Variants in ATP9B observed in about 807,000 individuals in gnomAD.
The protein encoded by ATP9B is probable phospholipid-transporting ATPase IIB.
ATP9B carries 110 observed loss-of-function variants against 146.1 expected under a neutral mutation model. The ratio of observed to expected loss-of-function variants is 0.75; its 90% CI spans 0.65 to 0.88. The LOEUF is 0.88. Ranked by LOEUF, ATP9B falls within the 40% of genes least tolerant of loss-of-function variation. ATP9B has a pLI of 0.00. For missense variants in ATP9B, 1,499 were observed against 1,496.4 expected, an observed-to-expected ratio of 1.00 and a Z score of -0.03; for synonymous variants, 604 against 569.7, an observed-to-expected ratio of 1.06 and a Z score of -0.86.
intron 11 of ATP9B, among the ~76,000 whole-genome samples, chr18:79,219,334 G>T (rs2095656800): frequency 6.6e-6 from 1 of 152,016 alleles, no homozygotes; most frequent in Admixed American, 6.6e-5. Flanking sequence ...GCATGGCGGT[G>T]GCAGTGCTGA....
At chr18:79,344,651 C>A (rs2096876365) in intron 21 of ATP9B, among the ~76,000 whole-genome samples, 1 of 152,258 alleles carries the variant, frequency 6.6e-6, no homozygotes, top group Non-Finnish European at 1.5e-5. Context: ...GCAGCCCCAG[C>A]CTGAGGAGAT....
At chr18:79,233,029 C>T (rs4799022) in intron 11 of ATP9B, among the ~76,000 whole-genome samples, 93,753 of 152,018 alleles carry the variant, frequency 0.62, 30,027 homozygotes, top group South Asian at 0.84. Flanking sequence ...CGGTGGCTCA[C>T]GCCTATAATC....
chr18:79,180,919 G>A (rs2095244116), intron 8 of ATP9B, among the ~76,000 whole-genome samples: 1 of 151,272 alleles, frequency 6.6e-6, no homozygotes, highest in Non-Finnish European at 1.5e-5. Context: ...CAGCTCCTAG[G>A]TAGCTGGGAT....
intron 2 of ATP9B, among the ~76,000 whole-genome samples, chr18:79,106,920 T>C (rs1468249816): frequency 6.6e-6 from 1 of 152,216 alleles, no homozygotes; most frequent in East Asian, 1.9e-4. Context: ...TAGTGTCGTT[T>C]GTCTGGAAGA....
chr18:79,292,091 A>C (rs1323374174), intron 13 of ATP9B, among the ~76,000 whole-genome samples: 1 of 152,246 alleles, frequency 6.6e-6, no homozygotes, highest in Non-Finnish European at 1.5e-5. Context: ...ATTGCCAAAT[A>C]ATATTCCATC....
At chr18:79,324,199 C>T (rs371100336) in intron 15 of ATP9B, among the ~76,000 whole-genome samples, 1 of 151,884 alleles carries the variant, frequency 6.6e-6, no homozygotes, top group Non-Finnish European at 1.5e-5. Context: ...GTAGATTCTG[C>T]TTATTAATCT....
intron 7 of ATP9B, among the ~76,000 whole-genome samples, chr18:79,156,121 C>T (rs181476353): frequency 3.2e-4 from 49 of 152,284 alleles, no homozygotes; most frequent in African/African-American, 1.1e-3. Flanking sequence ...GAGATGAATT[C>T]TGCCATTAAC....
At chr18:79,172,578 C>T (rs982500738) in intron 7 of ATP9B, among the ~76,000 whole-genome samples, 1 of 137,978 alleles carries the variant, frequency 7.2e-6, no homozygotes, top group African/African-American at 2.7e-5. Flanking sequence ...AGCCACCGTG[C>T]GCCGACCTTG....
chr18:79,149,167 C>G (rs2094642250), intron 6 of ATP9B, among the ~76,000 whole-genome samples: 1 of 152,088 alleles, frequency 6.6e-6, no homozygotes, highest in Non-Finnish European at 1.5e-5. Flanking sequence ...AGACATAGAT[C>G]ATCTTACTCT....
At chr18:79,109,551 T>C (rs1036817109) in intron 2 of ATP9B, among the ~76,000 whole-genome samples, 1 of 151,324 alleles carries the variant, frequency 6.6e-6, no homozygotes, top group African/African-American at 2.4e-5. Flanking sequence ...CTTTAAATAT[T>C]GGATTGAGCT....
intron 1 of ATP9B, among the ~76,000 whole-genome samples, chr18:79,070,144 A>G: frequency 6.6e-6 from 1 of 152,234 alleles, no homozygotes; most frequent in East Asian, 1.9e-4. Flanking sequence ...CAGACCTTTC[A>G]TACTCGAGAT....
chr18:79,171,324 C>T (rs2095066614), intron 7 of ATP9B, among the ~76,000 whole-genome samples: 1 of 152,164 alleles, frequency 6.6e-6, no homozygotes, highest in African/African-American at 2.4e-5. Context: ...TGAAGCAATT[C>T]ACTCGTGAAA....
intron 2 of ATP9B, among the ~76,000 whole-genome samples, chr18:79,098,666 T>C (rs926760518): frequency 2.0e-5 from 3 of 152,230 alleles, no homozygotes; most frequent in East Asian, 3.8e-4. Context: ...AGTACAGTTA[T>C]CAAATTCAGG....
intron 13 of ATP9B, among the ~76,000 whole-genome samples, chr18:79,293,014 G>A (rs997221397): frequency 6.6e-6 from 1 of 151,864 alleles, no homozygotes; most frequent in East Asian, 1.9e-4. Flanking sequence ...ATAGATTGAT[G>A]GACTAGAAGT....
chr18:79,336,482 T>C (rs2096827731), intron 17 of ATP9B, 146 bp from the exon 18 acceptor site: 4 of 674,686 alleles, frequency 5.9e-6, no homozygotes, highest in Middle Eastern at 2.7e-4. Context: ...GTCCCTCTGC[T>C]GAGTTGTCTC....
chr18:79,274,905 G>A (rs557953723), intron 12 of ATP9B, among the ~76,000 whole-genome samples: 3 of 152,294 alleles, frequency 2.0e-5, no homozygotes, highest in Admixed American at 1.3e-4. Context: ...GTCTAACCAC[G>A]GAAACGGTTT....
At chr18:79,316,905 A>C (rs2096683564) in intron 15 of ATP9B, among the ~76,000 whole-genome samples, 1 of 152,254 alleles carries the variant, frequency 6.6e-6, no homozygotes, top group Admixed American at 6.5e-5. Context: ...CAGCGAATGT[A>C]AACTAAGTTC....
chr18:79,300,121 G>A (rs1484880566), intron 13 of ATP9B: 1 of 152,608 alleles, frequency 6.6e-6, no homozygotes, highest in African/African-American at 2.4e-5. Context: ...GGAAGCCACG[G>A]AAGAGGCTGC....
At chr18:79,373,565 C>T (rs1302168198) in intron 27 of ATP9B, among the ~76,000 whole-genome samples, 1 of 151,066 alleles carries the variant, frequency 6.6e-6, no homozygotes, top group Non-Finnish European at 1.5e-5. Context: ...TCTCAGTTCA[C>T]TGCAACCTCC....
Sources: gnomAD v4.1 joint callset for allele counts (sites outside exome capture counted in the v4.1 genomes callset) on GRCh38, gnomAD v4.1.1 for gene constraint, MANE v1.5 for transcripts, NCBI Gene and HGNC (gene_info 2026-07-23, HGNC 2026-07-21) for gene names.